Variants in NNT observed in about 807,000 individuals in gnomAD.
NNT encodes NAD(P) transhydrogenase, mitochondrial.
Under a neutral mutation model 104.8 loss-of-function variants are expected in NNT, and 50 were observed. The observed-to-expected ratio is 0.48, with a 90% confidence interval of 0.38 to 0.60. The LOEUF (loss-of-function observed/expected upper bound fraction) is 0.60, where lower values mean the gene tolerates loss of function less well. Ranked by LOEUF, NNT falls within the 20% of genes least tolerant of loss-of-function variation. The probability of loss-of-function intolerance (pLI) is 0.00; values close to 1 mark genes in which losing one functional copy is unlikely to be tolerated. For synonymous variants in NNT, 461 were observed against 490.4 expected, an observed-to-expected ratio of 0.94 and a Z score of 0.79; for missense variants, 1,131 against 1,330.7, an observed-to-expected ratio of 0.85 and a Z score of 2.33.
intron 1 of NNT, among the ~76,000 whole-genome samples, chr5:43,607,458 T>C (rs1749283968): frequency 6.6e-6 from 1 of 152,156 alleles, no homozygotes; most frequent in African/African-American, 2.4e-5. Flanking sequence ...TTCCACCACC[T>C]ACCCAAATCC....
In NNT at chr5:43,644,656, A is replaced by G. The variant is rs755204523; in HGVS notation, c.1144A>G (p.Thr382Ala). The G allele has an allele frequency of 6.2e-7, 1 of 1,614,118 alleles. No individual in the cohort carries two copies. The highest frequency in any genetic ancestry group is 2.2e-5 in the East Asian group (1 of 44,882). ...GYTDLPSRMA[T>A]QASTLYSNNI... Reference sequence around the variant, plus strand: ...CACAGACCTGCCCAGCCGAATGGCCACTCAGGCCAGCACCCTATATTCCAA... The same window carrying G: ...CACAGACCTGCCCAGCCGAATGGCCGCTCAGGCCAGCACCCTATATTCCAA... Residue 382 changes from threonine (T) to alanine (A), a missense_variant, in exon 9 of 22, where the codon ACT becomes GCT. Coordinates refer to ENST00000344920, the MANE Select transcript of NNT (RefSeq NM_182977.3).
At chr5:43,684,993 G>A (rs183466309) in intron 19 of NNT, among the ~76,000 whole-genome samples, 3 of 152,192 alleles carry the variant, frequency 2.0e-5, no homozygotes, top group Admixed American at 6.5e-5. Context: ...CCCATACTAC[G>A]GACTTTTTAT....
chr5:43,701,343 C>G (rs1279925457), intron 20 of NNT, among the ~76,000 whole-genome samples: 1 of 152,150 alleles, frequency 6.6e-6, no homozygotes, highest in Non-Finnish European at 1.5e-5. Flanking sequence ...ATTTGATTTT[C>G]TTTTCCTGTG....
chr5:43,616,492 T>C (rs994777172), intron 4 of NNT, among the ~76,000 whole-genome samples: 1 of 152,208 alleles, frequency 6.6e-6, no homozygotes, highest in Non-Finnish European at 1.5e-5. Context: ...TAATTAGGTT[T>C]TGCTTAGGTA....
chr5:43,634,484 A>G (rs1750835275), intron 7 of NNT, among the ~76,000 whole-genome samples: 1 of 152,162 alleles, frequency 6.6e-6, no homozygotes, highest in South Asian at 2.1e-4. Context: ...ATGCATTATG[A>G]TCATAAAGGA....
chr5:43,687,079 G>A (rs1194707410), intron 19 of NNT, among the ~76,000 whole-genome samples: 1 of 152,114 alleles, frequency 6.6e-6, no homozygotes, highest in South Asian at 2.1e-4. Context: ...TGGAGTCCTT[G>A]CAATAGAGTG....
intron 19 of NNT, among the ~76,000 whole-genome samples, chr5:43,690,330 G>A (rs567895665): frequency 2.6e-4 from 39 of 152,016 alleles, no homozygotes; most frequent in Non-Finnish European, 5.0e-4. Flanking sequence ...TGAATTTGTG[G>A]TAGTTTGTTA....
At chr5:43,693,314 G>A (rs1742385900) in intron 19 of NNT, among the ~76,000 whole-genome samples, 1 of 152,044 alleles carries the variant, frequency 6.6e-6, no homozygotes, top group African/African-American at 2.4e-5. Flanking sequence ...TAATTTTCAT[G>A]CTTAAACCTG....
At chr5:43,659,470 C>G (rs1171548644) in intron 17 of NNT, 120 bp downstream of exon 17, 1 of 821,998 alleles carries the variant, frequency 1.2e-6, no homozygotes, top group East Asian at 3.0e-5. Flanking sequence ...GTAGCTCACA[C>G]CTGTAATCCC....
chr5:43,644,543 A>G, intron 8 of NNT, 68 bp from the exon 9 acceptor site: 3 of 1,355,152 alleles, frequency 2.2e-6, no homozygotes, highest in Non-Finnish European at 2.0e-6. Flanking sequence ...AATATGAATG[A>G]TAATTGTTCT....
chr5:43,607,596 C>T (rs1260687829), intron 1 of NNT, among the ~76,000 whole-genome samples: 1 of 152,166 alleles, frequency 6.6e-6, no homozygotes, highest in African/African-American at 2.4e-5. Context: ...TTCACACGGA[C>T]GTGCATAACA....
intron 7 of NNT, among the ~76,000 whole-genome samples, chr5:43,643,769 A>T (rs1364324336): frequency 6.6e-6 from 1 of 152,270 alleles, no homozygotes; most frequent in Non-Finnish European, 1.5e-5. Flanking sequence ...ATAAATTAGT[A>T]TTAACTGTAC....
At chr5:43,652,464 T>C (rs374003852) in intron 13 of NNT, among the ~76,000 whole-genome samples, 9 of 152,356 alleles carry the variant, frequency 5.9e-5, no homozygotes, top group Non-Finnish European at 1.3e-4. Context: ...TTTCTATTTC[T>C]TTTCAATGGC....
chr5:43,692,715 C>T lies in NNT; in HGVS notation c.2877-7404C>T, dbSNP rs1742355301. Among the ~76,000 whole-genome samples the T allele has an allele frequency of 2.0e-5, 3 of 152,308 alleles. No homozygotes were observed. The South Asian group carries it at 6.2e-4, about 32-fold the overall frequency. On this transcript the variant is annotated intron_variant, in intron 19 of 21. Coordinates refer to ENST00000344920, the MANE Select transcript of NNT (RefSeq NM_182977.3). ...ATCACATTTATCAGTTCATGGTCTA[C>T]CACTGTAAGGGAGAGTGCTTCTTTC...
intron 19 of NNT, among the ~76,000 whole-genome samples, chr5:43,696,495 C>A (rs1351269890): frequency 6.6e-6 from 1 of 152,204 alleles, no homozygotes; most frequent in Non-Finnish European, 1.5e-5. Flanking sequence ...GTCAGTGGAT[C>A]TACCATTCTG....
At chr5:43,670,638 T>G (rs1244360793) in intron 17 of NNT, among the ~76,000 whole-genome samples, 1 of 152,242 alleles carries the variant, frequency 6.6e-6, no homozygotes, top group Non-Finnish European at 1.5e-5. Flanking sequence ...TGCACTGTGG[T>G]CTGAGAGAGA....
intron 17 of NNT, among the ~76,000 whole-genome samples, chr5:43,669,844 T>C (rs540872492): frequency 7.2e-5 from 11 of 152,374 alleles, no homozygotes; most frequent in Admixed American, 3.9e-4. Flanking sequence ...TGGAATAGTT[T>C]CAGAAGGAAT....
intron 10 of NNT, chr5:43,648,226 T>C (rs1739555566): frequency 2.9e-6 from 3 of 1,046,218 alleles, no homozygotes; most frequent in South Asian, 6.7e-5. Context: ...AATGATTTAA[T>C]GTAAAATTAA....
At position 43,704,366 on chromosome 5, in the gene NNT, G is replaced by A. The variant is rs769033125; in HGVS notation, c.3223G>A (p.Ala1075Thr). The A allele has an allele frequency of 1.5e-5, 25 of 1,613,550 alleles. No individual in the cohort carries two copies. Among genetic ancestry groups the A allele is most frequent in the East Asian group, 4.5e-5 (2 of 44,862 alleles). The change falls in exon 22 of 22, where the codon GCG becomes ACG. Residue 1075 changes from alanine (A) to threonine (T), a missense_variant. Physicochemically the swap from Ala to Thr is moderately conservative, Grantham distance 58. Transcript: ENST00000344920. ...LLGDAKKTCDALQAKVRESYQ... is the reference protein window; with the variant it reads ...LLGDAKKTCDTLQAKVRESYQ... ...AGGTGATGCCAAGAAAACATGTGAC[G>A]CGCTCCAGGCGAAAGTTAGAGAATC...
Sources: allele counts gnomAD v4.1 joint callset (sites outside exome capture counted in the v4.1 genomes callset), GRCh38; gene constraint gnomAD v4.1.1; transcripts MANE v1.5; gene names NCBI Gene and HGNC (gene_info 2026-07-23, HGNC 2026-07-21).